SEMA6D: variants seen among roughly 807,000 people sequenced by gnomAD.
The protein encoded by SEMA6D is semaphorin-6D.
Under a neutral mutation model 106.6 loss-of-function variants are expected in SEMA6D, and 35 were observed. The ratio of observed to expected loss-of-function variants is 0.33; its 90% confidence interval spans 0.25 to 0.44. SEMA6D has a LOEUF of 0.44. Ranked by LOEUF, SEMA6D falls within the 20% of genes least tolerant of loss-of-function variation. The pLI is 1.00. For missense variants in SEMA6D, 1,185 were observed against 1,345.9 expected (o/e 0.88, Z 1.87); for synonymous variants, 499 against 487.7 (o/e 1.02, Z -0.31).
chr15:47,228,335 T>A (rs191159699), intron 1 of SEMA6D, among the ~76,000 whole-genome samples: 186 of 151,972 alleles, frequency 1.2e-3, no homozygotes, highest in African/African-American at 4.3e-3. Context: ...ACTTTTGACC[T>A]GGGGCAAGTT....
chr15:47,626,527 G>A (rs75312808), intron 4 of SEMA6D, among the ~76,000 whole-genome samples: 8,752 of 152,086 alleles, frequency 0.058, 281 homozygotes, highest in African/African-American at 0.082. Context: ...GAAGCCCTAC[G>A]TTTGTCATCC....
chr15:47,301,849 C>A (rs1251700751), intron 1 of SEMA6D, among the ~76,000 whole-genome samples: 1 of 152,152 alleles, frequency 6.6e-6, no homozygotes, highest in African/African-American at 2.4e-5. Context: ...GTTCAAGAGT[C>A]CCCCAAACTC....
chr15:47,542,146 T>A (rs950677577), intron 3 of SEMA6D, among the ~76,000 whole-genome samples: 1 of 152,188 alleles, frequency 6.6e-6, no homozygotes. Context: ...AATCAGCCAA[T>A]AACAAATTTC....
chr15:47,446,130 C>T (rs558860596), intron 2 of SEMA6D, among the ~76,000 whole-genome samples: 1 of 152,286 alleles, frequency 6.6e-6, no homozygotes, highest in South Asian at 2.1e-4. Context: ...CCCATCTGCC[C>T]TGGAAGGGCA....
At chr15:47,707,674 A>G (rs1017515143) in intron 4 of SEMA6D, among the ~76,000 whole-genome samples, 6 of 152,158 alleles carry the variant, frequency 3.9e-5, no homozygotes, top group African/African-American at 1.4e-4. Flanking sequence ...CTGGATAAAA[A>G]CTGGATTTCC....
intron 1 of SEMA6D, among the ~76,000 whole-genome samples, chr15:47,306,275 G>A (rs763779413): frequency 9.2e-5 from 14 of 152,140 alleles, no homozygotes; most frequent in Admixed American, 3.3e-4. Flanking sequence ...GAGCCACCGC[G>A]CCTGGCCCAA....
intron 4 of SEMA6D, among the ~76,000 whole-genome samples, chr15:47,689,456 A>G (rs1449460622): frequency 1.3e-5 from 2 of 152,238 alleles, no homozygotes; most frequent in Admixed American, 6.5e-5. Context: ...ATGCTTAGCC[A>G]ATTGGCTATA....
At chr15:47,717,437 A>C (rs920103015), upstream of SEMA6D, 1 of 152,082 alleles carries the variant, frequency 6.6e-6, no homozygotes, top group Non-Finnish European at 1.5e-5. Context: ...GGCTCGCCTG[A>C]TGGATTGACT....
At chr15:47,680,320 T>C (rs2078327992) in intron 4 of SEMA6D, among the ~76,000 whole-genome samples, 1 of 152,182 alleles carries the variant, frequency 6.6e-6, no homozygotes, top group Non-Finnish European at 1.5e-5. Context: ...TCTTCCTAGA[T>C]ATACTTTATG....
intron 1 of SEMA6D, among the ~76,000 whole-genome samples, chr15:47,361,103 T>G (rs1372955182): frequency 6.6e-6 from 1 of 152,238 alleles, no homozygotes; most frequent in East Asian, 1.9e-4. Flanking sequence ...CTTCCTCACC[T>G]TCTCCTTTGG....
chr15:47,706,332 A>C (rs1238245), intron 4 of SEMA6D, among the ~76,000 whole-genome samples: 146,033 of 152,274 alleles, frequency 0.96, 70,495 homozygotes, highest in African/African-American at 0.99. Context: ...TTATTCCTGC[A>C]TTTCATTTTC....
chr15:47,200,488 G>C (rs1894649423), intron 1 of SEMA6D, among the ~76,000 whole-genome samples: 1 of 152,018 alleles, frequency 6.6e-6, no homozygotes, highest in South Asian at 2.1e-4. Context: ...AATAAGCCTG[G>C]AATAAATTCA....
intron 1 of SEMA6D, chr15:47,380,675 G>A (rs1430539889): frequency 1.3e-5 from 2 of 152,190 alleles, no homozygotes; most frequent in African/African-American, 2.4e-5. Context: ...CATTTTATGG[G>A]CATGGAAGTA....
chr15:47,227,843 A>G (rs1457802363), intron 1 of SEMA6D, among the ~76,000 whole-genome samples: 2 of 132,756 alleles, frequency 1.5e-5, no homozygotes, highest in Admixed American at 7.8e-5. Context: ...CTGACATTGA[A>G]TTGAGTCCAT....
intron 4 of SEMA6D, among the ~76,000 whole-genome samples, chr15:47,706,393 A>G (rs1384198975): frequency 6.6e-6 from 1 of 152,202 alleles, no homozygotes; most frequent in Non-Finnish European, 1.5e-5. Context: ...ATGGAGGGTA[A>G]TAAAGTGATA....
intron 4 of SEMA6D, among the ~76,000 whole-genome samples, chr15:47,670,814 C>A (rs2145386799): frequency 6.6e-6 from 1 of 152,282 alleles, no homozygotes; most frequent in African/African-American, 2.4e-5. Flanking sequence ...TTCTACTACT[C>A]TGTCAATTTC....
At chr15:47,602,879 G>A (rs991471442) in intron 4 of SEMA6D, among the ~76,000 whole-genome samples, 6 of 152,242 alleles carry the variant, frequency 3.9e-5, no homozygotes, top group Middle Eastern at 3.4e-3. Flanking sequence ...GGGAGGCAAC[G>A]TAGAACATCA....
intron 3 of SEMA6D, among the ~76,000 whole-genome samples, chr15:47,529,947 G>A (rs1305905179): frequency 1.3e-5 from 2 of 152,168 alleles, no homozygotes; most frequent in African/African-American, 2.4e-5. Context: ...CATTCTTTGG[G>A]TAATAGTCGC....
At chr15:47,724,642 T>A (rs568628907) in intron 1 of SEMA6D, among the ~76,000 whole-genome samples, 2 of 144,884 alleles carry the variant, frequency 1.4e-5, no homozygotes, top group South Asian at 4.3e-4. Context: ...AGCCCAGGGG[T>A]GGGGTGGGGG....
Sources: gnomAD v4.1 joint callset for allele counts (sites outside exome capture counted in the v4.1 genomes callset) on GRCh38, gnomAD v4.1.1 for gene constraint, MANE v1.5 for transcripts, NCBI Gene and HGNC (gene_info 2026-07-23, HGNC 2026-07-21) for gene names.